GALNT13: variants seen among roughly 807,000 people sequenced by gnomAD.
The protein encoded by GALNT13 is UDP-GalNAc:polypeptide N-acetylgalactosaminyltransferase 13.
GALNT13 carries 28 observed loss-of-function variants against 64.2 expected under a neutral mutation model. That is an observed-to-expected ratio of 0.44 (90% CI 0.32 to 0.60). GALNT13 has a LOEUF of 0.60. Ranked by LOEUF, GALNT13 falls within the 20% of genes least tolerant of loss-of-function variation. The probability of loss-of-function intolerance (pLI) is 0.05; values close to 1 mark genes in which losing one functional copy is unlikely to be tolerated. For synonymous variants in GALNT13, 214 were observed against 224.6 expected, an observed-to-expected ratio of 0.95 and a Z score of 0.42; for missense variants, 577 against 669.8, an observed-to-expected ratio of 0.86 and a Z score of 1.53.
chr2:154,192,418 C>G (rs1686645027), intron 4 of GALNT13, among the ~76,000 whole-genome samples: 1 of 152,166 alleles, frequency 6.6e-6, no homozygotes, highest in African/African-American at 2.4e-5. Context: ...CCCTTCTCCT[C>G]CCAGCTCTTC....
At chr2:154,040,586 A>G (rs2105325892) in intron 3 of GALNT13, among the ~76,000 whole-genome samples, 1 of 140,566 alleles carries the variant, frequency 7.1e-6, no homozygotes, top group Non-Finnish European at 1.6e-5. Context: ...TTGTTATGAG[A>G]ATGAATAGGT....
At chr2:153,973,767 C>T (rs1310198479) in intron 3 of GALNT13, among the ~76,000 whole-genome samples, 2 of 151,826 alleles carry the variant, frequency 1.3e-5, no homozygotes, top group Non-Finnish European at 2.9e-5. Context: ...ACTTTTTAGA[C>T]GTTCTTTGAA....
chr2:153,397,727 G>A, the GALNT13 span, among the ~76,000 whole-genome samples: 1 of 151,818 alleles, frequency 6.6e-6, no homozygotes, highest in Non-Finnish European at 1.5e-5. Flanking sequence ...TGCTCTAGTT[G>A]TTAACTGCTG....
At chr2:153,068,821 T>C in the GALNT13 span, among the ~76,000 whole-genome samples, 1 of 152,188 alleles carries the variant, frequency 6.6e-6, no homozygotes, top group African/African-American at 2.4e-5. Flanking sequence ...TAGGGGAGCC[T>C]GAACAGTTTG....
chr2:153,717,962 T>G, the GALNT13 span, among the ~76,000 whole-genome samples: 34 of 134,354 alleles, frequency 2.5e-4, no homozygotes, highest in South Asian at 9.2e-4. Context: ...TAAAAATTAG[T>G]TTTTTTTTTT....
the GALNT13 span, among the ~76,000 whole-genome samples, chr2:153,634,011 G>T: frequency 6.6e-6 from 1 of 152,144 alleles, no homozygotes; most frequent in African/African-American, 2.4e-5. Flanking sequence ...TTGAATTAAA[G>T]ATCATCATTT....
Position 154,242,103 on chromosome 2 carries a change from A to G in GALNT13, c.385A>G (p.Ser129Gly). 6.2e-7 allele frequency: 1 copy of G among 1,612,272 alleles called. No homozygotes were observed. The highest frequency in any genetic ancestry group is 8.5e-7 in the Non-Finnish European group (1 of 1,178,550). The change falls in exon 5 of 13, where the codon AGC (serine) becomes GGC (glycine). Residue 129 changes from serine (S) to glycine (G), a missense_variant. Physicochemically the swap from Ser to Gly is moderately conservative, Grantham distance 56 (BLOSUM62 0). Around this residue, in one of 3 missense-constraint regions of GALNT13, gnomAD observed 341 missense variants for 379.3 expected, o/e 0.90. Coordinates refer to ENST00000392825, the MANE Select transcript of GALNT13 (RefSeq NM_052917.4). ...CATTGTGTTTCATAATGAAGCTTGG[A>G]GCACTCTCCTTAGAACTGTTTACAG... ...VVIVFHNEAW[S>G]TLLRTVYSVI...
At chr2:153,934,152 G>T (rs958627078) in intron 2 of GALNT13, among the ~76,000 whole-genome samples, 1 of 152,156 alleles carries the variant, frequency 6.6e-6, no homozygotes, top group African/African-American at 2.4e-5. Flanking sequence ...TGGCATTTAT[G>T]TGGGCACTAA....
rs1423298347 is a variant in GALNT13 at position 153,989,977 on chromosome 2, A to G, written c.142+45338A>G. On this transcript the variant is annotated intron_variant, in intron 3 of 12. Transcript: ENST00000392825. ...AAAAAAGGATCAACAACATATGACAATATGTTGGTTGAAATAGAACAACAT... is the reference window on the plus strand; with the variant it reads ...AAAAAAGGATCAACAACATATGACAGTATGTTGGTTGAAATAGAACAACAT... Among the ~76,000 whole-genome samples the G allele has an allele frequency of 4.6e-5, 7 of 152,234 alleles. No individual in the cohort carries two copies. In the East Asian group the frequency reaches 5.8e-4, roughly 13 times the overall value.
intron 6 of GALNT13, among the ~76,000 whole-genome samples, chr2:154,245,549 C>A (rs1573946114): frequency 6.6e-6 from 1 of 152,116 alleles, no homozygotes; most frequent in East Asian, 1.9e-4. Context: ...AAAAAATAGA[C>A]CCTGCTCATC....
At chr2:153,532,985 T>A in the GALNT13 span, among the ~76,000 whole-genome samples, 1 of 152,208 alleles carries the variant, frequency 6.6e-6, no homozygotes, top group Non-Finnish European at 1.5e-5. Context: ...TTATTAGGCA[T>A]TGCCTGCCTG....
chr2:153,725,457 T>TA, the GALNT13 span, among the ~76,000 whole-genome samples: 3 of 145,818 alleles, frequency 2.1e-5, no homozygotes, highest in Non-Finnish European at 3.0e-5. Flanking sequence ...AAAGTATAAT[T>TA]AAAAAAAAAT....
At chr2:153,668,674 C>G in the GALNT13 span, among the ~76,000 whole-genome samples, 1 of 152,206 alleles carries the variant, frequency 6.6e-6, no homozygotes, top group South Asian at 2.1e-4. Flanking sequence ...TGGCCCCCAC[C>G]TACTCCTGGG....
At chr2:154,020,187 T>C (rs1244726168) in intron 3 of GALNT13, among the ~76,000 whole-genome samples, 7 of 152,346 alleles carry the variant, frequency 4.6e-5, no homozygotes, top group South Asian at 2.1e-4. Context: ...TATAGCAGCA[T>C]GATTTATAAT....
intron 4 of GALNT13, among the ~76,000 whole-genome samples, chr2:154,231,471 T>C (rs922405493): frequency 2.6e-5 from 4 of 152,040 alleles, no homozygotes; most frequent in Non-Finnish European, 5.9e-5. Flanking sequence ...TTTGGGTTGC[T>C]CTTTCATTAC....
At chr2:153,884,849 A>ATATGTGTGTGTGTGTGTGTG (rs1574042084) in intron 1 of GALNT13, among the ~76,000 whole-genome samples, 1 of 76,456 alleles carries the variant, frequency 1.3e-5, no homozygotes, top group African/African-American at 7.1e-5. Context: ...GTGTGTATAT[A>ATATGTGTGTGTGTGTGTGTG]TGTATATACA....
the GALNT13 span, among the ~76,000 whole-genome samples, chr2:153,549,463 G>C: frequency 6.6e-6 from 1 of 152,180 alleles, no homozygotes; most frequent in Non-Finnish European, 1.5e-5. Context: ...TTGAAACTGA[G>C]ATGGCCTCAT....
the GALNT13 span, among the ~76,000 whole-genome samples, chr2:153,290,490 C>A: frequency 6.6e-6 from 1 of 152,176 alleles, no homozygotes; most frequent in Non-Finnish European, 1.5e-5. Context: ...GCAGTTGTAT[C>A]TGAGTAAGAA....
chr2:153,997,462 C>CTTTTTTTTTTTTTTTTTT (rs1558897621), intron 3 of GALNT13, among the ~76,000 whole-genome samples: 6 of 151,632 alleles, frequency 4.0e-5, no homozygotes, highest in African/African-American at 1.2e-4. Flanking sequence ...TTCTTGATTT[C>CTTTTTTTTTTTTTTTTTT]TTTTTTACAT....
Sources: gnomAD v4.1 joint callset for allele counts (sites outside exome capture counted in the v4.1 genomes callset) on GRCh38, gnomAD v4.1.1 for gene constraint, gnomAD v4.1.1 regional missense constraint, MANE v1.5 for transcripts, NCBI Gene and HGNC (gene_info 2026-07-23, HGNC 2026-07-21) for gene names.